The following TAAR5 variants were observed in gnomAD, a reference collection of about 807,000 sequenced individuals.
The protein encoded by TAAR5 is trace amine-associated receptor 5.
Under a neutral mutation model 21.1 loss-of-function variants are expected in TAAR5, and 27 were observed. That is an observed-to-expected ratio of 1.28 (90% CI 0.94 to 1.76). The LOEUF is 1.76. TAAR5 is among the 40% of genes most tolerant of loss of function. The probability of loss-of-function intolerance (pLI) is 0.00; values close to 1 mark genes in which losing one functional copy is unlikely to be tolerated. For synonymous variants in TAAR5, 203 were observed against 167.5 expected, an observed-to-expected ratio of 1.21 and a Z score of -1.64; for missense variants, 495 against 405.6, an observed-to-expected ratio of 1.22 and a Z score of -1.89.
chr6:132,598,493 A>G, the TAAR5 span, among the ~76,000 whole-genome samples: 1 of 152,150 alleles, frequency 6.6e-6, no homozygotes, highest in Admixed American at 6.5e-5. Context: ...CTGTTACACT[A>G]CGGTTTCTTA....
chr6:132,589,596 GAGTA>G lies in TAAR5; in HGVS notation c.87_90del (p.Thr30TrpfsTer16), dbSNP rs754035292. The G allele has an allele frequency of 1.2e-6, 2 of 1,613,952 alleles. No individual in the cohort carries two copies. Among genetic ancestry groups the G allele is most frequent in the South Asian group, 2.2e-5 (2 of 91,072 alleles). On this transcript the variant is annotated frameshift_variant, in exon 1 of 1. Transcript: ENST00000258034. LOFTEE classifies it high-confidence loss of function. ...AGGTAGATGACCAACTGGATGCCCA[GAGTA>G]TGTACTGTCCTGGGGCAAGACCCAT...
chr6:132,598,483 C>G, the TAAR5 span, among the ~76,000 whole-genome samples: 22,965 of 152,180 alleles, frequency 0.15, 2,267 homozygotes, highest in African/African-American at 0.27. Context: ...GGTGAGTTAT[C>G]TGTTACACTA....
chr6:132,591,928 A>C (rs529475504), upstream of TAAR5, among the ~76,000 whole-genome samples: 4 of 152,378 alleles, frequency 2.6e-5, no homozygotes, highest in South Asian at 2.1e-4. Context: ...GTTAAAATTC[A>C]TAAAGTGCAG....
chr6:132,606,944 C>T, the TAAR5 span, among the ~76,000 whole-genome samples: 1 of 152,074 alleles, frequency 6.6e-6, no homozygotes, highest in Non-Finnish European at 1.5e-5. Flanking sequence ...GCCTGTAATC[C>T]CAGCACTTTG....
chr6:132,616,426 G>A, the TAAR5 span, among the ~76,000 whole-genome samples: 1 of 152,168 alleles, frequency 6.6e-6, no homozygotes, highest in South Asian at 2.1e-4. Context: ...AATACAAAAT[G>A]TGGATGAGCC....
the TAAR5 span, among the ~76,000 whole-genome samples, chr6:132,611,632 C>A: frequency 6.6e-6 from 1 of 151,840 alleles, no homozygotes; most frequent in Non-Finnish European, 1.5e-5. Context: ...GATAGGGTAC[C>A]CCAAAATATG....
chr6:132,609,868 C>G, the TAAR5 span, among the ~76,000 whole-genome samples: 1 of 152,166 alleles, frequency 6.6e-6, no homozygotes, highest in Non-Finnish European at 1.5e-5. Context: ...CTGTTGAAAG[C>G]CATGTACCTA....
chr6:132,594,367 G>T (rs1014500469), upstream of TAAR5: 1 of 152,094 alleles, frequency 6.6e-6, no homozygotes, highest in African/African-American at 2.4e-5. Flanking sequence ...CCAGAAAAGA[G>T]TCCTATTGAA....
chr6:132,592,021 T>C (rs570393019), upstream of TAAR5, among the ~76,000 whole-genome samples: 1 of 152,306 alleles, frequency 6.6e-6, no homozygotes, highest in East Asian at 1.9e-4. Flanking sequence ...CTTCCCAAGT[T>C]AGGGCTCTTA....
chr6:132,609,500 G>A, the TAAR5 span, among the ~76,000 whole-genome samples: 1 of 152,118 alleles, frequency 6.6e-6, no homozygotes, highest in African/African-American at 2.4e-5. Flanking sequence ...TTTCAGCTGT[G>A]TATTCTTTTC....
chr6:132,607,842 C>T, the TAAR5 span, among the ~76,000 whole-genome samples: 1 of 152,126 alleles, frequency 6.6e-6, no homozygotes, highest in Non-Finnish European at 1.5e-5. Context: ...ACCCACAGGT[C>T]GCATGATCTT....
chr6:132,603,920 G>T, the TAAR5 span, among the ~76,000 whole-genome samples: 1 of 150,832 alleles, frequency 6.6e-6, no homozygotes, highest in Non-Finnish European at 1.5e-5. Flanking sequence ...TCACTTGAAA[G>T]GTGTTAAAAG....
rs1461152969 is a variant in TAAR5 at position 132,589,530 on chromosome 6, C to T, written c.157G>A (p.Val53Ile). Residue 53 changes from valine to isoleucine, a missense_variant, in exon 1 of 1, where the codon GTA becomes ATA. Coordinates refer to ENST00000258034, the MANE Select transcript of TAAR5 (RefSeq NM_003967.3). ...AGMLIIVLGN[V>I]FVAFAVSYFK... ...TAGGACACAGCAAATGCCACAAATA[C>T]ATTCCCTAGCACGATAATCAGCATG... 106 of 1,613,888 alleles carry T rather than the reference C, an allele frequency of 6.6e-5. No homozygotes were observed. The highest frequency in any genetic ancestry group is 8.8e-5 in the Non-Finnish European group (104 of 1,179,986).
the TAAR5 span, chr6:132,609,250 G>T: frequency 4.4e-5 from 15 of 338,136 alleles, no homozygotes; most frequent in South Asian, 3.6e-4. Flanking sequence ...AACTGGATAG[G>T]TCTTCGGGAA....
At chr6:132,591,261 T>C (rs1323537638), upstream of TAAR5, among the ~76,000 whole-genome samples, 1 of 152,232 alleles carries the variant, frequency 6.6e-6, no homozygotes, top group African/African-American at 2.4e-5. Flanking sequence ...TCTTGATATC[T>C]TAGAAGCTGG....
At chr6:132,594,612 G>A (rs1266628324), upstream of TAAR5, 1 of 152,190 alleles carries the variant, frequency 6.6e-6, no homozygotes, top group African/African-American at 2.4e-5. Flanking sequence ...ACAAAGAAGG[G>A]CAGCCAGCAC....
the TAAR5 span, among the ~76,000 whole-genome samples, chr6:132,613,040 T>C: frequency 5.3e-5 from 8 of 152,216 alleles, no homozygotes; most frequent in Admixed American, 2.6e-4. Flanking sequence ...ATCAAATCTT[T>C]CACTATGTGC....
At chr6:132,604,723 A>G in the TAAR5 span, among the ~76,000 whole-genome samples, 1 of 152,184 alleles carries the variant, frequency 6.6e-6, no homozygotes, top group Non-Finnish European at 1.5e-5. Context: ...AGAGCAATGA[A>G]AAGCTATCTT....
the TAAR5 span, among the ~76,000 whole-genome samples, chr6:132,616,715 G>T: frequency 2.0e-5 from 3 of 152,218 alleles, no homozygotes; most frequent in African/African-American, 7.2e-5. Flanking sequence ...ATTTTTAGTT[G>T]CTGATGCTTC....
Sources: gnomAD v4.1 joint callset for allele counts (sites outside exome capture counted in the v4.1 genomes callset) on GRCh38, gnomAD v4.1.1 for gene constraint, MANE v1.5 for transcripts, NCBI Gene and HGNC (gene_info 2026-07-23, HGNC 2026-07-21) for gene names.